Variants in AMN observed in about 807,000 individuals in gnomAD.
AMN encodes the protein amnion associated transmembrane protein, also known as protein amnionless.
In AMN, 40 loss-of-function variants were observed where a neutral mutation model predicts 49.1. The observed-to-expected ratio is 0.81, with a 90% CI of 0.63 to 1.06. AMN has a LOEUF of 1.06. Among genes scored for constraint, AMN ranks in the 50% least tolerant of loss-of-function variants. The pLI is 0.00. For missense variants in AMN, 701 were observed against 662.8 expected (o/e 1.06, Z -0.63); for synonymous variants, 380 against 313.3 (o/e 1.21, Z -2.25).
chr14:102,930,069 C>T lies in AMN; in HGVS notation c.989C>T (p.Ala330Val). 7 of 1,542,204 alleles carry T rather than the reference C, an allele frequency of 4.5e-6. No individual in the cohort carries two copies. Among genetic ancestry groups the T allele is most frequent in the Non-Finnish European group, 6.1e-6 (7 of 1,145,236 alleles). The change falls in exon 9 of 12, where the codon GCG becomes GTG. Residue 330 changes from alanine to valine, a missense_variant. Physicochemically the swap from Ala to Val is moderately conservative, Grantham distance 64. Coordinates refer to ENST00000299155, the MANE Select transcript of AMN (RefSeq NM_030943.4). Reference sequence around the variant, plus strand: ...GGGCGGCTGGCCCGGGCCCTCCTGGCGGACGTCGCCGAGAACGGTAACCGC... The same window carrying T: ...GGGCGGCTGGCCCGGGCCCTCCTGGTGGACGTCGCCGAGAACGGTAACCGC... ...GAGRLARALL[A>V]DVAENGEALG... is the part of the protein sequence containing the mutation.
At chr14:102,925,698 G>A (rs1324037359) in intron 3 of AMN, among the ~76,000 whole-genome samples, 2 of 152,162 alleles carry the variant, frequency 1.3e-5, no homozygotes, top group African/African-American at 4.8e-5. Flanking sequence ...CTGAAAGGAG[G>A]CAATACTCCA....
chr14:102,924,034 G>A (rs1891132324), intron 3 of AMN, 55 bp downstream of exon 3: 24 of 1,609,424 alleles, frequency 1.5e-5, no homozygotes, highest in Admixed American at 5.0e-5. Context: ...TCTCTGAAGC[G>A]CCTTCAGGGA....
intron 1 of AMN, 138 bp downstream of exon 1, chr14:102,922,869 ACTCGGCCCTGCCTCC>A: frequency 8.2e-7 from 1 of 1,223,858 alleles, no homozygotes; most frequent in Non-Finnish European, 1.1e-6. Flanking sequence ...GGGGCGTGAA[ACTCGGCCCTGCCTCC>A]CTCGTCTGGC....
In AMN at chr14:102,930,321, G is replaced by A. The variant is rs1215340135; in HGVS notation, c.1163G>A (p.Arg388Lys). The A allele has an allele frequency of 7.2e-7, 1 of 1,384,858 alleles. No individual in the cohort carries two copies. Among genetic ancestry groups the A allele is most frequent in the Non-Finnish European group, 9.3e-7 (1 of 1,077,462 alleles). 85.8% of individuals were successfully genotyped at this position (1,384,858 alleles called of 1,614,324 possible). ...CCGCCGCTGCTGCGCCGCGCGGGGA[G>A]GCTCAGGTACGCGGGGCGGGGGCGC... ...VAPPLLRRAG[R>K]LRWRRHEAAA... Residue 388 changes from arginine (R) to lysine (K), a missense_variant, in exon 10 of 12, where the codon AGG (arginine) becomes AAG (lysine). Coordinates refer to ENST00000299155, the MANE Select transcript of AMN (RefSeq NM_030943.4).
Position 102,930,168 on chromosome 14 carries a change from A to C in AMN, c.1010A>C (p.Glu337Ala). 6.7e-7 allele frequency: 1 copy of C among 1,488,666 alleles called. No individual in the cohort carries two copies. The highest frequency in any genetic ancestry group is 8.9e-7 in the Non-Finnish European group (1 of 1,126,246). The allele number at this position is 1,488,666 out of a possible 1,614,324, so 92.2% of individuals were successfully genotyped here. A position where few individuals can be genotyped will look rare whatever the true frequency, so the allele number is the denominator to read the frequency against. The change falls in exon 10 of 12, where the codon GAG becomes GCG. Residue 337 changes from glutamate (E) to alanine (A), a missense_variant. By Grantham distance (107) the Glu-to-Ala change is moderately radical. Coordinates refer to ENST00000299155, the MANE Select transcript of AMN (RefSeq NM_030943.4). ...ALLADVAENG[E>A]ALGVLEATMR... ...TGAGCCGGCCCCTCCGTCGCAGGCGAGGCCCTCGGCGTCCTGGAGGCGACC... is the reference window on the plus strand; with the variant it reads ...TGAGCCGGCCCCTCCGTCGCAGGCGCGGCCCTCGGCGTCCTGGAGGCGACC...
In AMN at chr14:102,923,725, G is replaced by T. The variant is rs372629049; in HGVS notation, c.58G>T (p.Val20Phe). The T allele has an allele frequency of 1.4e-5, 22 of 1,612,738 alleles. No homozygotes were observed. Among genetic ancestry groups the T allele is most frequent in the Non-Finnish European group, 1.9e-5 (22 of 1,179,822 alleles). The change falls in exon 2 of 12, where the codon GTC becomes TTC. Residue 20 changes from valine (V) to phenylalanine (F), a missense_variant. Physicochemically the swap from Val to Phe is conservative, Grantham distance 50. Transcript: ENST00000299155. Reference protein sequence around the residue: ...WLQLCALTQAVSKLWVPNTDF... With the variant: ...WLQLCALTQAFSKLWVPNTDF... ...CTCCTCCCCAGCACTGACCCAGGCG[G>T]TCTCCAAACTCTGGGTCCCCAACAC...
chr14:102,929,975 C>T lies in AMN; in HGVS notation c.895C>T (p.Arg299Trp), dbSNP rs779650808. 4.5e-5 allele frequency: 71 copies of T among 1,564,742 alleles called. No homozygotes were observed. The highest frequency in any genetic ancestry group is 5.7e-5 in the Non-Finnish European group (66 of 1,155,762). The change falls in exon 9 of 12, where the codon CGG becomes TGG. Residue 299 changes from arginine to tryptophan, a missense_variant. Arg to Trp is a moderately radical substitution (Grantham distance 101, BLOSUM62 -3). Coordinates refer to ENST00000299155, the MANE Select transcript of AMN (RefSeq NM_030943.4). ...CGTGTCCAAGGTGCCACGCTCGTCC[C>T]GGCTCCGTGAGGCCGATACGGAGAT... Reference protein sequence around the residue: ...VAVSKVPRSSRLREADTEIQV... With the variant: ...VAVSKVPRSSWLREADTEIQV...
chr14:102,928,389 C>A, intron 3 of AMN, 37 bp from the exon 4 acceptor site: 1 of 1,547,006 alleles, frequency 6.5e-7, no homozygotes. Flanking sequence ...AGGCCCGGAC[C>A]CCCGCGTGGC....
intron 3 of AMN, among the ~76,000 whole-genome samples, chr14:102,925,090 C>T (rs1250717961): frequency 2.0e-5 from 3 of 152,240 alleles, no homozygotes; most frequent in African/African-American, 7.2e-5. Context: ...CAGGCCAAGC[C>T]TCTGGGCAAA....
At chr14:102,928,697 G>A in intron 4 of AMN, 61 bp from the exon 5 acceptor site, 1 of 1,558,886 alleles carries the variant, frequency 6.4e-7, no homozygotes, top group Non-Finnish European at 8.7e-7. Flanking sequence ...GGCGTGGCGT[G>A]GCGTGGCGTG....
rs373382273 is a variant in AMN, at chr14:102,929,989, C to T, written c.909C>T (p.Ala303=). 3.5e-4 allele frequency: 541 copies of T among 1,563,602 alleles called. 2 individuals carry two copies. The highest frequency in any genetic ancestry group is 5.4e-4 in the South Asian group (46 of 84,832). Residue 303 remains alanine (A), a synonymous_variant, in exon 9 of 12, where the codon GCC becomes GCT. Transcript: ENST00000299155. ...CACGCTCGTCCCGGCTCCGTGAGGC[C>T]GATACGGAGATCCAGGTGGTGCTGG... ...KVPRSSRLRE[A]DTEIQVVLVE... is the part of the protein sequence containing the mutation.
rs767004707 is a variant in AMN at position 102,930,562 on chromosome 14, C to T, written c.1258-14C>T. 2 of 1,562,054 alleles carry T rather than the reference C, an allele frequency of 1.3e-6. No individual in the cohort carries two copies. The highest frequency in any genetic ancestry group is 2.4e-5 in the East Asian group (1 of 41,664). The stretch of plus-strand genomic sequence containing the variant: ...ACTCGGCGCCGACCGCCGCCTGACC[C>T]TGTCACCCCGCAGCCCCTGCCGCGG... On this transcript the variant is annotated splice_polypyrimidine_tract_variant and intron_variant, in intron 11 of 11. Transcript: ENST00000299155.
intron 1 of AMN, chr14:102,922,948 G>C: frequency 1.6e-6 from 1 of 627,806 alleles, no homozygotes; most frequent in Non-Finnish European, 2.6e-6. Context: ...CGGGAGAGGA[G>C]AGGAGGGGCT....
chr14:102,930,529 G>C, intron 11 of AMN, 36 bp downstream of exon 11: 1 of 1,544,246 alleles, frequency 6.5e-7, no homozygotes, highest in Non-Finnish European at 8.7e-7. Context: ...GGCCTCCTCG[G>C]GGCCGGGACT....
chr14:102,923,015 T>C, intron 1 of AMN: 2 of 454,202 alleles, frequency 4.4e-6, no homozygotes, highest in Non-Finnish European at 7.9e-6. Context: ...GGTTTTTCCG[T>C]CTGCGAAATG....
chr14:102,923,209 C>T (rs1891100830), intron 1 of AMN: 1 of 251,172 alleles, frequency 4.0e-6, no homozygotes, highest in Non-Finnish European at 7.8e-6. Context: ...ACCCCACCCA[C>T]CACATTCAGG....
chr14:102,928,157 T>A (rs1355457886), intron 3 of AMN, among the ~76,000 whole-genome samples: 2 of 152,220 alleles, frequency 1.3e-5, no homozygotes, highest in Non-Finnish European at 2.9e-5. Flanking sequence ...CGGCTCCGGC[T>A]CTGCCCCTGG....
In AMN at chr14:102,923,956, G is replaced by A. The variant is rs1891129794; in HGVS notation, c.184G>A (p.Glu62Lys). The A allele has an allele frequency of 2.5e-6, 4 of 1,613,304 alleles. No homozygotes were observed. Among genetic ancestry groups the A allele is most frequent in the South Asian group, 1.1e-5 (1 of 91,084 alleles). Residue 62 changes from glutamate (E) to lysine (K), a missense_variant, in exon 3 of 12, where the codon GAA (glutamate) becomes AAA (lysine). By Grantham distance (56) the Glu-to-Lys change is moderately conservative. Coordinates refer to ENST00000299155, the MANE Select transcript of AMN (RefSeq NM_030943.4). The part of the protein sequence containing the change: ...ADKMVSVLVQ[E>K]GHAVSDMLLP... The stretch of plus-strand genomic sequence containing the variant: ...GCAGATGGTGTCAGTCCTGGTGCAA[G>A]AAGGTCACGCCGTCTCAGACATGGT...
rs200648108 is a variant in AMN, at chr14:102,923,777, G to A, written c.110G>A (p.Ser37Asn). Reference protein sequence around the residue: ...NTDFDVAANWSQNRTPCAGGA... With the variant: ...NTDFDVAANWNQNRTPCAGGA... ...GACTTCGACGTCGCAGCCAACTGGA[G>A]CCAGAACCGGACCCCGTGCGCCGGC... The change falls in exon 2 of 12, where the codon AGC becomes AAC. Residue 37 changes from serine to asparagine, a missense_variant. Ser to Asn is a conservative substitution (Grantham distance 46). Transcript: ENST00000299155. 64 of 1,612,686 alleles carry A rather than the reference G, an allele frequency of 4.0e-5. No individual in the cohort carries two copies. The highest frequency in any genetic ancestry group is 1.6e-4 in the Middle Eastern group (1 of 6,084).
Sources: allele counts gnomAD v4.1 joint callset (sites outside exome capture counted in the v4.1 genomes callset), GRCh38; gene constraint gnomAD v4.1.1; transcripts MANE v1.5; gene names NCBI Gene and HGNC (gene_info 2026-07-23, HGNC 2026-07-21).